The following MAP3K13 variants were observed in gnomAD, a reference collection of about 807,000 sequenced individuals.
MAP3K13 encodes the protein leucine zipper-bearing kinase.
MAP3K13 carries 52 observed loss-of-function variants against 104.0 expected under a neutral mutation model. The ratio of observed to expected loss-of-function variants is 0.50; its 90% CI spans 0.40 to 0.63. The LOEUF (loss-of-function observed/expected upper bound fraction) is 0.63. Ranked by LOEUF, MAP3K13 falls within the 20% of genes least tolerant of loss-of-function variation. The pLI, the probability that MAP3K13 is intolerant of heterozygous loss-of-function variation, is 0.00. For missense variants in MAP3K13, 914 were observed against 1,218.5 expected (o/e 0.75, Z 3.72); for synonymous variants, 394 against 442.2 (o/e 0.89, Z 1.37).
At chr3:185,441,794 C>T (rs1224892901) in intron 3 of MAP3K13, among the ~76,000 whole-genome samples, 1 of 152,106 alleles carries the variant, frequency 6.6e-6, no homozygotes, top group Non-Finnish European at 1.5e-5. Context: ...GTAATCCCAG[C>T]ACTTTGGGAG....
At chr3:185,321,458 C>G (rs577854235) in intron 2 of MAP3K13, among the ~76,000 whole-genome samples, 1 of 152,150 alleles carries the variant, frequency 6.6e-6, no homozygotes, top group Non-Finnish European at 1.5e-5. Context: ...AAATGAGACT[C>G]AATAGCAAAA....
intron 1 of MAP3K13, among the ~76,000 whole-genome samples, chr3:185,412,469 T>C (rs1222118242): frequency 9.2e-5 from 14 of 152,142 alleles, no homozygotes; most frequent in Admixed American, 8.5e-4. Context: ...AATGAATAAT[T>C]AAACAATGGG....
At position 185,315,799 on chromosome 3, in the gene MAP3K13, G is replaced by A. The variant is rs1249606775; in HGVS notation, c.-86+30156G>A. 6.6e-6 allele frequency among the ~76,000 whole-genome samples: 1 copy of A among 152,204 alleles called. No individual in the cohort carries two copies. Among genetic ancestry groups the A allele is most frequent in the Admixed American group, 6.5e-5 (1 of 15,284 alleles). ...GGTTGTGAGGATTAAATTATCAAGT[G>A]TTCAGAACAGTGGATTAATATATAT... On this transcript the variant is annotated intron_variant, in intron 2 of 14. Transcript: ENST00000424227. This position sits in a 1 kb window ranked among gnomAD's most constrained non-coding sequence, Gnocchi z 4.3.
intron 1 of MAP3K13, among the ~76,000 whole-genome samples, chr3:185,409,793 T>C (rs1349859270): frequency 6.6e-6 from 1 of 152,162 alleles, no homozygotes; most frequent in African/African-American, 2.4e-5. Context: ...TTGAATACTA[T>C]TCAGCCATAA....
chr3:185,430,587 C>T (rs1265240160), intron 2 of MAP3K13, among the ~76,000 whole-genome samples: 2 of 151,556 alleles, frequency 1.3e-5, no homozygotes, highest in Admixed American at 1.3e-4. Flanking sequence ...TTGCTAAGGG[C>T]GATGGCCTCT....
At chr3:185,399,146 G>A (rs1380363960) in intron 1 of MAP3K13, among the ~76,000 whole-genome samples, 1 of 152,132 alleles carries the variant, frequency 6.6e-6, no homozygotes, top group Non-Finnish European at 1.5e-5. Context: ...CTGTTGGGTT[G>A]AGGAAAGGAT....
chr3:185,310,725 T>G (rs1721469212), intron 2 of MAP3K13, among the ~76,000 whole-genome samples: 1 of 151,906 alleles, frequency 6.6e-6, no homozygotes, highest in African/African-American at 2.4e-5. Context: ...AAGAGTGATA[T>G]GGAAAGGGAA....
At chr3:185,381,170 C>A (rs1304676015) in intron 1 of MAP3K13, among the ~76,000 whole-genome samples, 1 of 152,044 alleles carries the variant, frequency 6.6e-6, no homozygotes, top group Non-Finnish European at 1.5e-5. Context: ...ACCATGTTGG[C>A]CAGGCTGATC....
intron 3 of MAP3K13, 70 bp from the exon 4 acceptor site, chr3:185,443,375 A>T (rs1322225965): frequency 3.8e-6 from 4 of 1,053,186 alleles, no homozygotes; most frequent in Non-Finnish European, 5.3e-6. Context: ...TTTTTATTAA[A>T]TATTCTTTAA....
intron 2 of MAP3K13, among the ~76,000 whole-genome samples, chr3:185,295,376 T>C (rs1720885432): frequency 6.6e-6 from 1 of 152,226 alleles, no homozygotes; most frequent in Non-Finnish European, 1.5e-5. Flanking sequence ...GGCTAATTTT[T>C]GTATTTTTAG....
chr3:185,355,414 C>T, intron 2 of MAP3K13, among the ~76,000 whole-genome samples: 1 of 151,120 alleles, frequency 6.6e-6, no homozygotes, highest in African/African-American at 2.4e-5. Flanking sequence ...TTGCAGTGAG[C>T]CAAGATCGTG....
intron 1 of MAP3K13, among the ~76,000 whole-genome samples, chr3:185,376,443 G>T (rs980966816): frequency 6.6e-6 from 1 of 152,156 alleles, no homozygotes; most frequent in South Asian, 2.1e-4. Flanking sequence ...AAACAGTAAG[G>T]TCAAGTTGTT....
intron 2 of MAP3K13, among the ~76,000 whole-genome samples, chr3:185,316,007 T>A (rs972493471): frequency 3.3e-5 from 5 of 152,324 alleles, no homozygotes; most frequent in African/African-American, 4.8e-5. Flanking sequence ...AATGAAATTG[T>A]ATCTTAGAGG....
Position 185,454,493 on chromosome 3 carries a change from TA to T in MAP3K13, c.1278+3099del, listed in dbSNP as rs527600675. Among the ~76,000 whole-genome samples, 870 of 103,542 alleles carry T rather than the reference TA, an allele frequency of 8.4e-3. 29 individuals are homozygous for T. Among genetic ancestry groups the T allele is most frequent in the African/African-American group, 0.025 (625 of 24,640 alleles). 67.9% of individuals were successfully genotyped at this position (103,542 alleles called of 152,430 possible). A position where few individuals can be genotyped will look rare whatever the true frequency, so the allele number is the denominator to read the frequency against. On this transcript the variant is annotated intron_variant, in intron 7 of 13. Coordinates refer to ENST00000265026, the MANE Select transcript of MAP3K13 (RefSeq NM_004721.5). ...ATATATGAGATATATATGATATATA[TA>T]CATATATATGAGATATATATGATAT...
intron 2 of MAP3K13, among the ~76,000 whole-genome samples, chr3:185,317,132 A>G (rs1382502846): frequency 1.3e-5 from 2 of 152,172 alleles, no homozygotes; most frequent in Non-Finnish European, 2.9e-5. Context: ...TATGTTCTGT[A>G]GAAACTCAGA....
chr3:185,417,054 A>G (rs1713823291), intron 1 of MAP3K13, among the ~76,000 whole-genome samples: 1 of 152,142 alleles, frequency 6.6e-6, no homozygotes, highest in Non-Finnish European at 1.5e-5. Context: ...TAGAGTTCCA[A>G]AAAAGAGAGG....
At chr3:185,457,592 C>T (rs188364061) in intron 7 of MAP3K13, among the ~76,000 whole-genome samples, 1 of 152,282 alleles carries the variant, frequency 6.6e-6, no homozygotes, top group East Asian at 1.9e-4. Flanking sequence ...CCCCAAAGCC[C>T]CACCTCCTAA....
chr3:185,436,898 G>A (rs1049334258), intron 2 of MAP3K13, among the ~76,000 whole-genome samples: 4 of 150,428 alleles, frequency 2.7e-5, no homozygotes, highest in Non-Finnish European at 5.9e-5. Context: ...CTACTTGGGA[G>A]GCTGAGGCAG....
chr3:185,320,873 C>T (rs1276238869), intron 2 of MAP3K13, among the ~76,000 whole-genome samples: 2 of 152,168 alleles, frequency 1.3e-5, no homozygotes, highest in African/African-American at 2.4e-5. Context: ...TACTGGTATA[C>T]TGTGTACTAC....
Sources: allele counts gnomAD v4.1 joint callset (sites outside exome capture counted in the v4.1 genomes callset), GRCh38; gene constraint gnomAD v4.1.1; non-coding constraint Gnocchi (gnomAD v3.1); transcripts MANE v1.5; gene names NCBI Gene and HGNC (gene_info 2026-07-23, HGNC 2026-07-21).